The following ARHGAP29 variants were observed in gnomAD, a reference collection of about 807,000 sequenced individuals.
The protein encoded by ARHGAP29 is rho GTPase-activating protein 29.
Under a neutral mutation model 122.6 loss-of-function variants are expected in ARHGAP29, and 43 were observed. The observed-to-expected ratio is 0.35, with a 90% CI of 0.27 to 0.45. The LOEUF is 0.45. Among genes scored for constraint, ARHGAP29 ranks in the 20% least tolerant of loss-of-function variants. The pLI, the probability that ARHGAP29 is intolerant of heterozygous loss-of-function variation, is 1.00. For synonymous variants in ARHGAP29, 506 were observed against 497.1 expected, an observed-to-expected ratio of 1.02 and a Z score of -0.24; for missense variants, 1,303 against 1,477.2, an observed-to-expected ratio of 0.88 and a Z score of 1.93.
intron 1 of ARHGAP29, among the ~76,000 whole-genome samples, chr1:94,256,959 C>T (rs773423068): frequency 6.6e-6 from 1 of 152,082 alleles, no homozygotes; most frequent in Non-Finnish European, 1.5e-5. Context: ...TAGGTATATA[C>T]TTTTCAGGTT....
At position 94,220,349 on chromosome 1, in the gene ARHGAP29, G is replaced by C. The variant is rs1253669881; in HGVS notation, c.249C>G (p.Leu83=). The change falls in exon 3 of 23, where the codon CTC becomes CTG. Residue 83 remains leucine, a synonymous_variant. Coordinates refer to ENST00000260526, the MANE Select transcript of ARHGAP29 (RefSeq NM_004815.4). ...EVIHIRLEEL[L]RVLKSIMNKH... is the part of the protein sequence containing the mutation. ...TATTCATTATAGACTTTAAAACACG[G>C]AGCAGTTCCTCTAGACGTATATGAA... is the stretch of plus-strand genomic sequence containing the variant. The C allele has an allele frequency of 4.3e-6, 7 of 1,610,976 alleles. No individual in the cohort carries two copies. Among genetic ancestry groups the C allele is most frequent in the African/African-American group, 2.7e-5 (2 of 74,750 alleles).
chr1:94,195,057 T>C (rs1650369163), intron 12 of ARHGAP29: 2 of 152,132 alleles, frequency 1.3e-5, no homozygotes, highest in Admixed American at 1.3e-4. Context: ...TTTTCTCGGG[T>C]TATATAAAAA....
intron 2 of ARHGAP29, among the ~76,000 whole-genome samples, chr1:94,224,974 G>A (rs1407863380): frequency 6.6e-6 from 1 of 152,076 alleles, no homozygotes; most frequent in East Asian, 1.9e-4. Flanking sequence ...ATACACTGCT[G>A]AAGCCCACAA....
At chr1:94,278,929 T>C (rs1430008807), upstream of ARHGAP29, among the ~76,000 whole-genome samples, 1 of 152,190 alleles carries the variant, frequency 6.6e-6, no homozygotes, top group African/African-American at 2.4e-5. Context: ...TTTAGAGAAA[T>C]GCACAAATGT....
chr1:94,300,124 C>T, the ARHGAP29 span, among the ~76,000 whole-genome samples: 1 of 152,300 alleles, frequency 6.6e-6, no homozygotes, highest in East Asian at 1.9e-4. Context: ...GTACTTCTTC[C>T]TTCTTGCTGA....
upstream of ARHGAP29, among the ~76,000 whole-genome samples, chr1:94,238,551 G>A (rs1241556924): frequency 6.6e-6 from 1 of 152,098 alleles, no homozygotes; most frequent in African/African-American, 2.4e-5. Context: ...AACTCATAGA[G>A]AAACAGAGGA....
chr1:94,313,603 T>G, the ARHGAP29 span, among the ~76,000 whole-genome samples: 3 of 152,200 alleles, frequency 2.0e-5, no homozygotes, highest in African/African-American at 7.2e-5. Context: ...AAATACCATT[T>G]GACCCAGCCA....
chr1:94,261,638 C>T (rs184136202), intron 1 of ARHGAP29, among the ~76,000 whole-genome samples: 26 of 152,128 alleles, frequency 1.7e-4, no homozygotes, highest in Admixed American at 2.6e-4. Flanking sequence ...AAATCAGGAA[C>T]GCAATTCCAT....
At chr1:94,234,149 T>C (rs956511117) in intron 1 of ARHGAP29, among the ~76,000 whole-genome samples, 3 of 152,218 alleles carry the variant, frequency 2.0e-5, no homozygotes, top group Non-Finnish European at 2.9e-5. Context: ...ACAGTTCAAA[T>C]AGATCATGTC....
chr1:94,222,190 A>G (rs1465716221), intron 2 of ARHGAP29, among the ~76,000 whole-genome samples: 1 of 152,230 alleles, frequency 6.6e-6, no homozygotes, highest in Non-Finnish European at 1.5e-5. Context: ...TAAACAGGGG[A>G]AAAGAAACAA....
At chr1:94,251,204 T>C (rs1654070406) in intron 1 of ARHGAP29, among the ~76,000 whole-genome samples, 1 of 150,592 alleles carries the variant, frequency 6.6e-6, no homozygotes, top group Non-Finnish European at 1.5e-5. Flanking sequence ...GAAGTCTTGC[T>C]CTGTCACCCA....
intron 1 of ARHGAP29, among the ~76,000 whole-genome samples, chr1:94,266,444 C>T (rs1473462664): frequency 6.6e-6 from 1 of 152,200 alleles, no homozygotes; most frequent in Non-Finnish European, 1.5e-5. Flanking sequence ...AGTCTCTCTT[C>T]CTGATAGGGA....
chr1:94,254,505 G>A (rs1450106582), intron 1 of ARHGAP29, among the ~76,000 whole-genome samples: 2 of 152,180 alleles, frequency 1.3e-5, no homozygotes, highest in African/African-American at 4.8e-5. Context: ...AAATGCTTTA[G>A]ATCTCTTCTG....
the ARHGAP29 span, among the ~76,000 whole-genome samples, chr1:94,304,752 T>C: frequency 6.6e-6 from 1 of 152,214 alleles, no homozygotes; most frequent in African/African-American, 2.4e-5. Context: ...TAATGATGAC[T>C]AGTTCAAACA....
rs560613882 is a variant in ARHGAP29 at position 94,270,365 on chromosome 1, G to A, written c.-33+4647C>T. On this transcript the variant is annotated intron_variant and NMD_transcript_variant, in intron 1 of 25. Coordinates refer to the ARHGAP29 transcript ENST00000552844. ...GAGCCTTTTGGGTTCTGCACTTTTTGAGAAATAGCTCTTGATGTGTGTAAC... is the reference window on the plus strand; with the variant it reads ...GAGCCTTTTGGGTTCTGCACTTTTTAAGAAATAGCTCTTGATGTGTGTAAC... 6.6e-5 allele frequency among the ~76,000 whole-genome samples: 10 copies of A among 152,300 alleles called. No homozygotes were observed. In the South Asian group the frequency reaches 2.1e-3, roughly 32 times the overall value.
the ARHGAP29 span, chr1:94,302,224 G>A: frequency 3.9e-6 from 1 of 257,104 alleles, no homozygotes; most frequent in Non-Finnish European, 7.7e-6. Flanking sequence ...CATCAAGGCT[G>A]AAAATGGAAA....
At chr1:94,217,566 T>C (rs533230307) in intron 3 of ARHGAP29, among the ~76,000 whole-genome samples, 1 of 148,396 alleles carries the variant, frequency 6.7e-6, no homozygotes, top group Non-Finnish European at 1.5e-5. Flanking sequence ...GGACTAGGTG[T>C]GGTGGCTCAT....
the ARHGAP29 span, among the ~76,000 whole-genome samples, chr1:94,310,292 T>A: frequency 2.6e-5 from 4 of 152,064 alleles, no homozygotes; most frequent in African/African-American, 7.2e-5. Flanking sequence ...AGGAAGGAGA[T>A]CCTCAGCTTC....
intron 2 of ARHGAP29, among the ~76,000 whole-genome samples, 153 bp from the exon 3 acceptor site, chr1:94,220,545 A>G (rs1652234680): frequency 6.6e-6 from 1 of 152,196 alleles, no homozygotes; most frequent in African/African-American, 2.4e-5. Context: ...CTGCAATTAT[A>G]TACAATTTAA....
Sources: gnomAD v4.1 joint callset for allele counts (sites outside exome capture counted in the v4.1 genomes callset) on GRCh38, gnomAD v4.1.1 for gene constraint, MANE v1.5 for transcripts, NCBI Gene and HGNC (gene_info 2026-07-23, HGNC 2026-07-21) for gene names.